The following DRC8 variants were observed in gnomAD, a reference collection of about 807,000 sequenced individuals.
DRC8 encodes dynein regulatory complex protein 8.
the DRC8 span, among the ~76,000 whole-genome samples, chr1:245,044,975 T>C: frequency 2.0e-5 from 3 of 152,106 alleles, no homozygotes; most frequent in Non-Finnish European, 4.4e-5. Context: ...TTTAATAATG[T>C]TAAAAATGGT....
At chr1:245,056,763 C>T in the DRC8 span, among the ~76,000 whole-genome samples, 1 of 151,888 alleles carries the variant, frequency 6.6e-6, no homozygotes, top group Admixed American at 6.6e-5. Context: ...TGGTGAGACC[C>T]CATCTCTACT....
the DRC8 span, among the ~76,000 whole-genome samples, chr1:245,003,979 T>C: frequency 6.9e-6 from 1 of 145,160 alleles, no homozygotes; most frequent in Non-Finnish European, 1.5e-5. Flanking sequence ...ATTAGCTTGC[T>C]GAGTAGCTGG....
the DRC8 span, among the ~76,000 whole-genome samples, chr1:244,999,590 A>G: frequency 5.9e-5 from 9 of 152,292 alleles, no homozygotes; most frequent in African/African-American, 1.4e-4. Flanking sequence ...AATTTGATAT[A>G]GCTTTGAAGT....
the DRC8 span, among the ~76,000 whole-genome samples, chr1:245,112,311 C>T: frequency 2.6e-5 from 4 of 152,294 alleles, no homozygotes; most frequent in South Asian, 8.3e-4. Flanking sequence ...CGACCTCAGG[C>T]GATCTGCCTG....
the DRC8 span, among the ~76,000 whole-genome samples, chr1:245,111,344 G>A: frequency 3.3e-5 from 5 of 152,142 alleles, no homozygotes; most frequent in African/African-American, 1.2e-4. Flanking sequence ...CCTGCTGACC[G>A]CAGGGCAAAG....
chr1:245,103,952 G>A, the DRC8 span, among the ~76,000 whole-genome samples: 1 of 152,222 alleles, frequency 6.6e-6, no homozygotes, highest in East Asian at 1.9e-4. Context: ...ATAAGACAGA[G>A]TAAAAAGAGG....
At chr1:245,044,716 G>A in the DRC8 span, among the ~76,000 whole-genome samples, 2 of 151,944 alleles carry the variant, frequency 1.3e-5, no homozygotes, top group South Asian at 2.1e-4. Flanking sequence ...ACAGGCGCCT[G>A]CCACCACGCC....
the DRC8 span, chr1:245,107,342 G>C: frequency 6.6e-6 from 1 of 152,496 alleles, no homozygotes; most frequent in Admixed American, 6.5e-5. Flanking sequence ...GGCACTATGG[G>C]ACTGCACATC....
chr1:244,977,635 T>C, the DRC8 span, among the ~76,000 whole-genome samples: 14,107 of 151,964 alleles, frequency 0.093, 847 homozygotes, highest in East Asian at 0.24. Flanking sequence ...TCTTGCTCCT[T>C]CTTGCCTGTT....
chr1:245,051,126 A>G, the DRC8 span, among the ~76,000 whole-genome samples: 2 of 152,050 alleles, frequency 1.3e-5, no homozygotes, highest in African/African-American at 4.8e-5. Flanking sequence ...GGCCAGGCTC[A>G]TGCCTGTAAT....
the DRC8 span, among the ~76,000 whole-genome samples, chr1:245,097,517 C>CA: frequency 0.015 from 2,253 of 148,488 alleles, 62 homozygotes; most frequent in African/African-American, 0.049. The surrounding 1 kb of genome is among the most constrained non-coding windows in gnomAD (Gnocchi z 5.0). Context: ...GATTCCCTCT[C>CA]AAAAAAAAAA....
the DRC8 span, among the ~76,000 whole-genome samples, chr1:244,994,498 C>T: frequency 0.54 from 82,617 of 151,904 alleles, 24,266 homozygotes; most frequent in East Asian, 0.75. Context: ...GGCACAATCT[C>T]GGCTCATTGT....
the DRC8 span, among the ~76,000 whole-genome samples, chr1:245,007,859 T>C: frequency 6.6e-6 from 1 of 152,164 alleles, no homozygotes; most frequent in African/African-American, 2.4e-5. Flanking sequence ...TTCTCAGCTT[T>C]TATCACTTTA....
At chr1:245,115,887 CTT>C in the DRC8 span, among the ~76,000 whole-genome samples, 84,131 of 144,980 alleles carry the variant, frequency 0.58, 25,400 homozygotes, top group East Asian at 0.72. Context: ...GATCCTATCT[CTT>C]TTTTTTTTTT....
chr1:245,077,401 G>A, the DRC8 span, among the ~76,000 whole-genome samples: 5 of 152,126 alleles, frequency 3.3e-5, no homozygotes, highest in African/African-American at 1.2e-4. Flanking sequence ...TGATTCATTA[G>A]TTATGACAAG....
the DRC8 span, among the ~76,000 whole-genome samples, chr1:245,089,495 A>T: frequency 6.6e-6 from 1 of 152,086 alleles, no homozygotes; most frequent in African/African-American, 2.4e-5. This position sits in a 1 kb window ranked among gnomAD's most constrained non-coding sequence, Gnocchi z 4.8. Flanking sequence ...AGCATCTTGG[A>T]TGCCAAGATC....
chr1:245,031,739 A>G, the DRC8 span, among the ~76,000 whole-genome samples: 1 of 152,104 alleles, frequency 6.6e-6, no homozygotes, highest in Non-Finnish European at 1.5e-5. Flanking sequence ...CTCCTTAGGT[A>G]TCTTGGTGAG....
At chr1:245,054,979 G>A in the DRC8 span, among the ~76,000 whole-genome samples, 1 of 152,204 alleles carries the variant, frequency 6.6e-6, no homozygotes, top group African/African-American at 2.4e-5. Flanking sequence ...TTTTCCTGGT[G>A]ATGGGCCCAG....
chr1:245,101,563 A>T, the DRC8 span, among the ~76,000 whole-genome samples: 16 of 152,280 alleles, frequency 1.1e-4, no homozygotes, highest in African/African-American at 3.8e-4. Context: ...ATCTAATTCT[A>T]TCATTCTTCA....
Sources: allele counts gnomAD v4.1 joint callset (sites outside exome capture counted in the v4.1 genomes callset), GRCh38; gene constraint gnomAD v4.1.1; non-coding constraint Gnocchi (gnomAD v3.1); transcripts MANE v1.5; gene names NCBI Gene and HGNC (gene_info 2026-07-23, HGNC 2026-07-21).